Variants in LY6S observed in about 807,000 individuals in gnomAD.
LY6S encodes the protein lymphocyte antigen 6S.
chr8:143,049,388 T>A, the LY6S span: 1 of 446,546 alleles, frequency 2.2e-6, no homozygotes. Flanking sequence ...AGAGTGGAAC[T>A]GTGAGCTTCA....
At chr8:143,065,866 G>A in the LY6S span, 1 of 128,750 alleles carries the variant, frequency 7.8e-6, no homozygotes, top group Non-Finnish European at 1.6e-5. Context: ...TATCTATTTT[G>A]TTTTCCTCCC....
the LY6S span, chr8:143,057,345 G>A: frequency 5.2e-6 from 2 of 381,992 alleles, no homozygotes; most frequent in African/African-American, 4.2e-5. Flanking sequence ...CACCTCCAGG[G>A]TTCAAGCAAT....
chr8:143,043,192 T>C, the LY6S span: 891,826 of 1,366,854 alleles, frequency 0.65, 292,048 homozygotes, highest in East Asian at 0.75. Context: ...CAGGGGCTGC[T>C]GGCTGCCAGG....
chr8:143,053,911 A>C, the LY6S span: 2 of 152,200 alleles, frequency 1.3e-5, no homozygotes, highest in Non-Finnish European at 1.5e-5. Flanking sequence ...CTGTCAGCAC[A>C]ACTAGGACGT....
the LY6S span, among the ~76,000 whole-genome samples, chr8:143,050,921 G>C: frequency 2.0e-5 from 3 of 152,244 alleles, no homozygotes; most frequent in South Asian, 2.1e-4. Context: ...GGCCCGGCTC[G>C]GGGTCGGGGA....
the LY6S span, among the ~76,000 whole-genome samples, chr8:143,072,895 C>T: frequency 6.0e-4 from 37 of 61,592 alleles, no homozygotes; most frequent in Admixed American, 1.0e-3. Context: ...TCCCCGGGGT[C>T]CCTGTTTGAG....
At chr8:143,058,343 G>A in the LY6S span, among the ~76,000 whole-genome samples, 2 of 152,232 alleles carry the variant, frequency 1.3e-5, no homozygotes, top group South Asian at 4.1e-4. Flanking sequence ...GGCAGGATAA[G>A]AAGAGTGAGC....
chr8:143,070,053 A>G, the LY6S span, among the ~76,000 whole-genome samples: 1 of 152,092 alleles, frequency 6.6e-6, no homozygotes. Context: ...GCTGGAGATC[A>G]GAGATCAAGG....
At chr8:143,063,422 C>G in the LY6S span, among the ~76,000 whole-genome samples, 1 of 152,216 alleles carries the variant, frequency 6.6e-6, no homozygotes, top group Non-Finnish European at 1.5e-5. Flanking sequence ...TCCAAGTGCC[C>G]TGAGTACTTG....
the LY6S span, among the ~76,000 whole-genome samples, chr8:143,055,177 T>G: frequency 6.6e-6 from 1 of 152,176 alleles, no homozygotes; most frequent in Non-Finnish European, 1.5e-5. Flanking sequence ...TAGCCTTAAC[T>G]TTTAGACCAA....
the LY6S span, chr8:143,066,369 C>T: frequency 4.8e-6 from 1 of 207,208 alleles, no homozygotes. Flanking sequence ...GCCATGTTGG[C>T]CAGGCTGGTC....
At chr8:143,043,255 C>A in the LY6S span, 1 of 1,363,738 alleles carries the variant, frequency 7.3e-7, no homozygotes. Flanking sequence ...GAGTCCACAA[C>A]GGCACTTGTA....
chr8:143,065,855 A>G, the LY6S span: 1 of 92,294 alleles, frequency 1.1e-5, no homozygotes, highest in South Asian at 2.5e-4. Flanking sequence ...TTCTTGTACG[A>G]TATCTATTTT....
the LY6S span, among the ~76,000 whole-genome samples, chr8:143,061,254 T>C: frequency 1.4e-5 from 2 of 140,786 alleles, no homozygotes; most frequent in Admixed American, 6.9e-5. Flanking sequence ...AGCAAACCCC[T>C]GTCTCTTAAA....
chr8:143,063,415 A>G, the LY6S span, among the ~76,000 whole-genome samples: 115,048 of 152,154 alleles, frequency 0.76, 43,850 homozygotes, highest in East Asian at 0.93. Context: ...AATTTACTCC[A>G]AGTGCCCTGA....
At chr8:143,055,296 G>A in the LY6S span, among the ~76,000 whole-genome samples, 3 of 152,136 alleles carry the variant, frequency 2.0e-5, no homozygotes, top group Admixed American at 6.5e-5. Flanking sequence ...AAGGAAGCTG[G>A]GGCGGAGCAG....
the LY6S span, chr8:143,057,071 CTG>C: frequency 3.5e-6 from 1 of 283,516 alleles, no homozygotes. Flanking sequence ...CATGGAGTAA[CTG>C]AAGTTTTCTG....
chr8:143,070,870 T>G, the LY6S span, among the ~76,000 whole-genome samples: 257 of 152,288 alleles, frequency 1.7e-3, 1 homozygote, highest in African/African-American at 5.9e-3. Context: ...ACTGATGTTG[T>G]AAATTAACAG....
the LY6S span, among the ~76,000 whole-genome samples, chr8:143,052,769 C>T: frequency 6.6e-6 from 1 of 152,142 alleles, no homozygotes; most frequent in African/African-American, 2.4e-5. Context: ...TAAAGCAAAC[C>T]CTGGCAAAAT....
Sources: gnomAD v4.1 joint callset for allele counts (sites outside exome capture counted in the v4.1 genomes callset) on GRCh38, gnomAD v4.1.1 for gene constraint, MANE v1.5 for transcripts, NCBI Gene and HGNC (gene_info 2026-07-23, HGNC 2026-07-21) for gene names.